The following TMEM117 variants were observed in gnomAD, a reference collection of about 807,000 sequenced individuals.
TMEM117 encodes transmembrane protein 117.
In TMEM117, 27 loss-of-function variants were observed where a neutral mutation model predicts 52.4. The ratio of observed to expected loss-of-function variants is 0.51; its 90% CI spans 0.38 to 0.71. The LOEUF (loss-of-function observed/expected upper bound fraction) is 0.71. TMEM117 is among the 30% of genes least tolerant of loss of function. TMEM117 has a pLI of 0.00. For missense variants in TMEM117, 556 were observed against 630.5 expected (o/e 0.88, Z 1.26); for synonymous variants, 215 against 206.3 (o/e 1.04, Z -0.36).
chr12:44,122,244 C>T (rs935783838), intron 3 of TMEM117, among the ~76,000 whole-genome samples: 4 of 151,958 alleles, frequency 2.6e-5, no homozygotes, highest in Admixed American at 6.6e-5. Flanking sequence ...CGGGGTTTCA[C>T]TGTGTTAGCC....
intron 3 of TMEM117, among the ~76,000 whole-genome samples, chr12:44,077,987 T>A (rs1253600045): frequency 6.6e-6 from 1 of 152,168 alleles, no homozygotes. Flanking sequence ...TACCAGTATT[T>A]TTTTTGACAT....
At chr12:44,151,201 C>T (rs931556643) in intron 4 of TMEM117, among the ~76,000 whole-genome samples, 8 of 151,932 alleles carry the variant, frequency 5.3e-5, no homozygotes, top group African/African-American at 1.9e-4. Context: ...TTTTTCATCC[C>T]CAACTTAGTT....
intron 3 of TMEM117, among the ~76,000 whole-genome samples, chr12:44,041,897 C>T (rs755185283): frequency 6.6e-6 from 1 of 152,114 alleles, no homozygotes; most frequent in Non-Finnish European, 1.5e-5. Context: ...ACAGAAAAGG[C>T]TTTCAAAAGC....
At chr12:43,815,697 T>C in the TMEM117 span, among the ~76,000 whole-genome samples, 1 of 152,256 alleles carries the variant, frequency 6.6e-6, no homozygotes, top group African/African-American at 2.4e-5. Flanking sequence ...ACCAAAGGGC[T>C]GCCTTTTCAC....
intron 1 of TMEM117, among the ~76,000 whole-genome samples, chr12:43,843,670 A>C (rs897768556): frequency 6.6e-6 from 1 of 152,130 alleles, no homozygotes; most frequent in Non-Finnish European, 1.5e-5. Flanking sequence ...CTTCACTAGT[A>C]AAAAAATTCT....
chr12:44,038,785 G>A (rs1050423358), intron 3 of TMEM117, among the ~76,000 whole-genome samples: 1 of 152,098 alleles, frequency 6.6e-6, no homozygotes, highest in Non-Finnish European at 1.5e-5. Flanking sequence ...AACACTTTAG[G>A]AGTTGTTTAA....
chr12:44,132,187 G>GA (rs1396267444), intron 3 of TMEM117, among the ~76,000 whole-genome samples: 1 of 133,408 alleles, frequency 7.5e-6, no homozygotes, highest in Non-Finnish European at 1.6e-5. Flanking sequence ...GGCTGCTCAG[G>GA]TTTTTTTTTT....
At chr12:43,882,609 A>G (rs1462144963) in intron 2 of TMEM117, among the ~76,000 whole-genome samples, 2 of 152,190 alleles carry the variant, frequency 1.3e-5, no homozygotes, top group African/African-American at 2.4e-5. Context: ...CAAAAATTTC[A>G]TTAGAAGTAC....
chr12:44,257,166 GAGA>G (rs942349311), intron 5 of TMEM117, among the ~76,000 whole-genome samples: 6 of 151,600 alleles, frequency 4.0e-5, no homozygotes, highest in African/African-American at 1.2e-4. Flanking sequence ...AAGAGGCAGA[GAGA>G]AGGAGAAGTT....
At chr12:44,210,648 T>A (rs1444962804) in intron 4 of TMEM117, among the ~76,000 whole-genome samples, 5 of 152,004 alleles carry the variant, frequency 3.3e-5, no homozygotes, top group African/African-American at 9.7e-5. Context: ...GAAGGATGGG[T>A]CAAGAACCAC....
At chr12:44,283,200 G>T (rs1234569595) in intron 5 of TMEM117, among the ~76,000 whole-genome samples, 1 of 152,228 alleles carries the variant, frequency 6.6e-6, no homozygotes, top group Non-Finnish European at 1.5e-5. Context: ...GAAATGTGGG[G>T]TCAGAGCCTG....
the TMEM117 span, among the ~76,000 whole-genome samples, chr12:43,814,201 G>A: frequency 6.6e-6 from 1 of 152,110 alleles, no homozygotes; most frequent in Non-Finnish European, 1.5e-5. Flanking sequence ...CAGAGAAGCA[G>A]TGTTTCCCCT....
At chr12:43,983,547 CGTGTGTGTGT>C (rs748259406) in intron 3 of TMEM117, among the ~76,000 whole-genome samples, 4,676 of 110,624 alleles carry the variant, frequency 0.042, 99 homozygotes, top group Middle Eastern at 0.053. Flanking sequence ...TTGCACCAAC[CGTGTGTGTGT>C]GTGTGTGTGT....
chr12:44,361,886 A>G (rs1426747414), intron 6 of TMEM117, among the ~76,000 whole-genome samples: 1 of 152,124 alleles, frequency 6.6e-6, no homozygotes, highest in Non-Finnish European at 1.5e-5. Context: ...TCATTGTTTG[A>G]TTAGTGTTCA....
chr12:43,827,858 T>G, the TMEM117 span, among the ~76,000 whole-genome samples: 3 of 152,146 alleles, frequency 2.0e-5, no homozygotes, highest in Non-Finnish European at 2.9e-5. Flanking sequence ...GAGTGAGCCC[T>G]AAACCCAACA....
chr12:44,128,102 T>C (rs1948356209), intron 3 of TMEM117, among the ~76,000 whole-genome samples: 1 of 152,250 alleles, frequency 6.6e-6, no homozygotes, highest in African/African-American at 2.4e-5. Context: ...TTGTTAAGGC[T>C]GTGCAAAGCC....
At chr12:44,189,122 C>A (rs1430702471) in intron 4 of TMEM117, among the ~76,000 whole-genome samples, 1 of 152,100 alleles carries the variant, frequency 6.6e-6, no homozygotes, top group African/African-American at 2.4e-5. Context: ...TTATTATTAA[C>A]TATAGTCACC....
intron 6 of TMEM117, chr12:44,376,365 A>G (rs1951941073): frequency 1.7e-6 from 1 of 584,244 alleles, no homozygotes; most frequent in Non-Finnish European, 3.1e-6. Context: ...TCTTATTACC[A>G]CATTAAAAAG....
intron 3 of TMEM117, among the ~76,000 whole-genome samples, chr12:44,039,918 C>A (rs933657050): frequency 1.3e-5 from 2 of 152,096 alleles, no homozygotes; most frequent in African/African-American, 4.8e-5. Context: ...ATAGTAGGTG[C>A]TCAATAAATT....
Sources: allele counts gnomAD v4.1 joint callset (sites outside exome capture counted in the v4.1 genomes callset), GRCh38; gene constraint gnomAD v4.1.1; transcripts MANE v1.5; gene names NCBI Gene and HGNC (gene_info 2026-07-23, HGNC 2026-07-21).